The following MTSS1 variants were observed in gnomAD, a reference collection of about 807,000 sequenced individuals.
MTSS1 encodes the protein protein MTSS 1.
Under a neutral mutation model 79.0 loss-of-function variants are expected in MTSS1, and 18 were observed. The observed-to-expected ratio is 0.23, with a 90% confidence interval of 0.16 to 0.34. The LOEUF is 0.34. Ranked by LOEUF, MTSS1 falls within the 10% of genes least tolerant of loss-of-function variation. The pLI, the probability that MTSS1 is intolerant of heterozygous loss-of-function variation, is 1.00. For missense variants in MTSS1, 815 were observed against 986.2 expected, an observed-to-expected ratio of 0.83 and a Z score of 2.33; for synonymous variants, 341 against 368.6, an observed-to-expected ratio of 0.93 and a Z score of 0.86.
chr8:124,708,841 C>T (rs1830743495), intron 1 of MTSS1, among the ~76,000 whole-genome samples: 1 of 151,286 alleles, frequency 6.6e-6, no homozygotes, highest in African/African-American at 2.4e-5. Flanking sequence ...TCAGGCCCAC[C>T]TGTTTTAGGC....
intron 3 of MTSS1, among the ~76,000 whole-genome samples, chr8:124,618,044 T>C (rs527583726): frequency 3.3e-4 from 50 of 152,306 alleles, no homozygotes; most frequent in Non-Finnish European, 5.7e-4. Context: ...TCACCCCTTC[T>C]AAATGGACTG....
rs761916382 is a variant in MTSS1 at position 124,728,313 on chromosome 8, T to C, written c.-358A>G. The C allele has an allele frequency of 2.6e-5, 5 of 191,518 alleles. No individual in the cohort carries two copies. Among genetic ancestry groups the C allele is most frequent in the Non-Finnish European group, 5.3e-5 (5 of 94,156 alleles). 11.9% of individuals were successfully genotyped at this position (191,518 alleles called of 1,614,324 possible). A position where few individuals can be genotyped will look rare whatever the true frequency, so the allele number is the denominator to read the frequency against. On this transcript the variant is annotated 5_prime_UTR_variant, in exon 1 of 14. The change abolishes an upstream ATG in the 5' untranslated region. Coordinates refer to ENST00000518547, the MANE Select transcript of MTSS1 (RefSeq NM_014751.6). This position sits in a 1 kb window ranked among gnomAD's most constrained non-coding sequence, Gnocchi z 6.1. ...GCCCGCTGACCCGGGGCCAGCGCCA[T>C]TGAAAAACGCAAGATTTTCCAATTT...
At chr8:124,721,309 AT>A (rs1446352748) in intron 1 of MTSS1, among the ~76,000 whole-genome samples, 1 of 152,158 alleles carries the variant, frequency 6.6e-6, no homozygotes, top group Non-Finnish European at 1.5e-5. Flanking sequence ...AAAAAAAAAA[AT>A]CACAACGGAC....
chr8:124,557,153 A>T (rs970533123), intron 11 of MTSS1, among the ~76,000 whole-genome samples: 1 of 152,198 alleles, frequency 6.6e-6, no homozygotes, highest in African/African-American at 2.4e-5. Context: ...CAAGACTAAA[A>T]CTAAAGTCTG....
At chr8:124,696,851 CAA>C (rs35766199) in intron 3 of MTSS1, among the ~76,000 whole-genome samples, 40,895 of 128,970 alleles carry the variant, frequency 0.32, 5,894 homozygotes, top group Middle Eastern at 0.36. Context: ...GAGTCCGTCT[CAA>C]AAAAAAAAAA....
chr8:124,623,405 T>C (rs995932725), intron 3 of MTSS1, among the ~76,000 whole-genome samples: 2 of 152,234 alleles, frequency 1.3e-5, no homozygotes, highest in South Asian at 4.1e-4. Flanking sequence ...GGCTCAATTT[T>C]GTGAATGCCA....
Position 124,727,825 on chromosome 8 carries a change from C to A in MTSS1, c.72+59G>T. ...TGCCCGGCCCGGGGTGGAGGCGAAG[C>A]GCGGCGGCGAGGTCAGAGCGCGGCG... On this transcript the variant is annotated intron_variant, in intron 1 of 13. Transcript: ENST00000518547. The surrounding 1 kb of genome is among the most constrained non-coding windows in gnomAD (Gnocchi z 4.7). The A allele has an allele frequency of 7.0e-7, 1 of 1,431,242 alleles. No individual in the cohort carries two copies. Among genetic ancestry groups the A allele is most frequent in the South Asian group, 1.4e-5 (1 of 70,718 alleles). 88.7% of individuals were successfully genotyped at this position (1,431,242 alleles called of 1,614,324 possible).
chr8:124,641,942 G>T (rs2134005244), intron 3 of MTSS1, among the ~76,000 whole-genome samples: 1 of 147,964 alleles, frequency 6.8e-6, no homozygotes, highest in East Asian at 2.0e-4. Context: ...TAAGAATGAG[G>T]ACACATTAGA....
intron 3 of MTSS1, among the ~76,000 whole-genome samples, chr8:124,695,004 T>C (rs1828562711): frequency 7.1e-6 from 1 of 140,672 alleles, no homozygotes; most frequent in Admixed American, 7.3e-5. Context: ...TATCCACTTA[T>C]ACACTTTCAT....
intron 3 of MTSS1, among the ~76,000 whole-genome samples, chr8:124,654,624 A>G (rs1314719401): frequency 6.6e-6 from 1 of 152,218 alleles, no homozygotes; most frequent in East Asian, 1.9e-4. Flanking sequence ...GAAGTCACCA[A>G]CACTGATCCT....
At chr8:124,619,967 T>TTTTCTTTTCTTTTCTTTTC (rs1813171304) in intron 3 of MTSS1, among the ~76,000 whole-genome samples, 3 of 125,972 alleles carry the variant, frequency 2.4e-5, no homozygotes, top group East Asian at 2.1e-4. Context: ...CTTTTCTTTT[T>TTTTCTTTTCTTTTCTTTTC]GAAGACAGAG....
intron 6 of MTSS1, among the ~76,000 whole-genome samples, chr8:124,576,788 C>T (rs1253392474): frequency 6.6e-6 from 1 of 152,196 alleles, no homozygotes; most frequent in Non-Finnish European, 1.5e-5. Context: ...CTTTGCCCAT[C>T]CCGTTAGTGT....
chr8:124,691,570 C>T (rs1827940042), intron 3 of MTSS1, among the ~76,000 whole-genome samples: 1 of 151,968 alleles, frequency 6.6e-6, no homozygotes, highest in South Asian at 2.1e-4. Flanking sequence ...GGCTGGAGTA[C>T]AATGGTACGA....
In MTSS1 at chr8:124,568,446, A is replaced by G. The variant is rs748614052; in HGVS notation, c.551T>C (p.Val184Ala). 1 of 1,614,190 alleles carries G rather than the reference A, an allele frequency of 6.2e-7. No homozygotes were observed. Among genetic ancestry groups the G allele is most frequent in the Non-Finnish European group, 8.5e-7 (1 of 1,180,026 alleles). The stretch of plus-strand genomic sequence containing the variant: ...ACGTTCTTCAATCAAAGCCTTCCGG[A>G]CAGCCTGCTTTTCTGTTTCTTCCAA... ...LLLEETEKQA[V>A]RKALIEERGR... Residue 184 changes from valine (V) to alanine (A), a missense_variant, in exon 7 of 14, where the codon GTC becomes GCC. By Grantham distance (64) the Val-to-Ala change is moderately conservative. Around this residue, in one of 2 missense-constraint regions of MTSS1, gnomAD observed 225 missense variants for 365.4 expected, o/e 0.62. Transcript: ENST00000518547.
chr8:124,577,992 G>A (rs372158009), intron 6 of MTSS1, among the ~76,000 whole-genome samples: 2 of 152,186 alleles, frequency 1.3e-5, no homozygotes, highest in African/African-American at 2.4e-5. Context: ...GGCTGGATAC[G>A]GCTGGGGGAT....
chr8:124,604,065 T>G (rs1391993158), intron 3 of MTSS1, among the ~76,000 whole-genome samples: 1 of 151,936 alleles, frequency 6.6e-6, no homozygotes, highest in Non-Finnish European at 1.5e-5. Flanking sequence ...TACAAAAAAT[T>G]AGCTGGGCGT....
In MTSS1 at chr8:124,554,218, C is replaced by T. The variant is rs557420411; in HGVS notation, c.1568-526G>A. 5.9e-5 allele frequency among the ~76,000 whole-genome samples: 9 copies of T among 152,348 alleles called. No individual in the cohort carries two copies. The South Asian group carries it at 1.2e-3, about 21-fold the overall frequency. ...GTCATGTGCTCACTTCCTTGTAAGACCAATCTCAGGATGATGTGGGAGCTT... is the reference window on the plus strand; with the variant it reads ...GTCATGTGCTCACTTCCTTGTAAGATCAATCTCAGGATGATGTGGGAGCTT... On this transcript the variant is annotated intron_variant, in intron 13 of 13. Coordinates refer to ENST00000518547, the MANE Select transcript of MTSS1 (RefSeq NM_014751.6).
At chr8:124,648,050 T>C (rs572375352) in intron 3 of MTSS1, among the ~76,000 whole-genome samples, 1 of 152,328 alleles carries the variant, frequency 6.6e-6, no homozygotes, top group Non-Finnish European at 1.5e-5. Context: ...GCCTCTGCAA[T>C]CCTATTTATG....
In MTSS1 at chr8:124,714,314, C is replaced by T. The variant is rs535673358; in HGVS notation, c.73-10123G>A. Among the ~76,000 whole-genome samples the T allele has an allele frequency of 4.3e-4, 66 of 152,314 alleles. 1 individual carries two copies. The Middle Eastern group carries it at 0.014, about 32-fold the overall frequency. ...TGGTAGAACAGGCATTTAACACTTCCCTACTAACCATAGGAAAATCGGGCA... is the reference window on the plus strand; with the variant it reads ...TGGTAGAACAGGCATTTAACACTTCTCTACTAACCATAGGAAAATCGGGCA... On this transcript the variant is annotated intron_variant, in intron 1 of 13. Transcript: ENST00000518547.
Sources: gnomAD v4.1 joint callset for allele counts (sites outside exome capture counted in the v4.1 genomes callset) on GRCh38, gnomAD v4.1.1 for gene constraint, gnomAD v4.1.1 regional missense constraint, Gnocchi (gnomAD v3.1) non-coding constraint, MANE v1.5 for transcripts, NCBI Gene and HGNC (gene_info 2026-07-23, HGNC 2026-07-21) for gene names.